The following TAFA1 variants were observed in gnomAD, a reference collection of about 807,000 sequenced individuals.
TAFA1 encodes the protein TAFA chemokine like family member 1.
A neutral mutation model predicts 18.5 loss-of-function variants in TAFA1; 4 were observed. The ratio of observed to expected loss-of-function variants is 0.22; its 90% CI spans 0.11 to 0.49. The LOEUF is 0.49. Ranked by LOEUF, TAFA1 falls within the 20% of genes least tolerant of loss-of-function variation. The probability of loss-of-function intolerance (pLI) is 0.98; values close to 1 mark genes in which losing one functional copy is unlikely to be tolerated. For missense variants in TAFA1, 147 were observed against 169.0 expected, an observed-to-expected ratio of 0.87 and a Z score of 0.72; for synonymous variants, 56 against 55.2, an observed-to-expected ratio of 1.01 and a Z score of -0.06.
intron 3 of TAFA1, among the ~76,000 whole-genome samples, chr3:68,447,583 A>G (rs565424289): frequency 6.6e-6 from 1 of 152,334 alleles, no homozygotes; most frequent in African/African-American, 2.4e-5. Context: ...GTTTATTCCA[A>G]AGCTCTAGAC....
chr3:68,025,297 C>T (rs1016748589), intron 2 of TAFA1, among the ~76,000 whole-genome samples: 2 of 152,236 alleles, frequency 1.3e-5, no homozygotes, highest in South Asian at 4.1e-4. Flanking sequence ...TATTCAGACT[C>T]CAACCACTTC....
At chr3:68,415,854 G>T (rs2070825470) in intron 2 of TAFA1, among the ~76,000 whole-genome samples, 1 of 152,152 alleles carries the variant, frequency 6.6e-6, no homozygotes, top group African/African-American at 2.4e-5. Flanking sequence ...AGGCTGATAT[G>T]AAAGCCTGAA....
chr3:68,413,000 A>C lies in TAFA1; in HGVS notation c.119-4280A>C, dbSNP rs542658880. ...TAGTTTACAGTCCCACCAACAGTGT[A>C]AAAGTGTTCCTATTTCTCCACATCC... is the stretch of plus-strand genomic sequence containing the variant. On this transcript the variant is annotated intron_variant, in intron 2 of 4. Transcript: ENST00000478136. 2.6e-3 allele frequency among the ~76,000 whole-genome samples: 401 copies of C among 151,932 alleles called. 2 individuals are homozygous for C. The highest frequency in any genetic ancestry group is 0.018 in the South Asian group (86 of 4,788).
intron 3 of TAFA1, among the ~76,000 whole-genome samples, chr3:68,501,303 C>A (rs567274337): frequency 6.6e-6 from 1 of 151,900 alleles, no homozygotes; most frequent in East Asian, 1.9e-4. Context: ...ATGAATACTG[C>A]GAAGTCAAAC....
chr3:68,064,627 C>G (rs1440325486), intron 2 of TAFA1, among the ~76,000 whole-genome samples: 3 of 152,068 alleles, frequency 2.0e-5, no homozygotes, highest in Non-Finnish European at 4.4e-5. Flanking sequence ...CTAATTAACA[C>G]ATGACAAATG....
At position 68,523,952 on chromosome 3, in the gene TAFA1, C is replaced by T. The variant is rs1172596302; in HGVS notation, c.260-14804C>T. 2.0e-5 allele frequency among the ~76,000 whole-genome samples: 3 copies of T among 152,246 alleles called. No individual in the cohort carries two copies. The South Asian group carries it at 6.2e-4, about 32-fold the overall frequency. On this transcript the variant is annotated intron_variant, in intron 3 of 4. Coordinates refer to ENST00000478136, the MANE Select transcript of TAFA1 (RefSeq NM_213609.4). ...TGTCTTTATCATTACTTGCTTGATGCTTTTCTTTAAATTTACCTAAATGTA... is the reference window on the plus strand; with the variant it reads ...TGTCTTTATCATTACTTGCTTGATGTTTTTCTTTAAATTTACCTAAATGTA...
intron 3 of TAFA1, among the ~76,000 whole-genome samples, chr3:68,494,051 A>G (rs995981753): frequency 2.0e-5 from 3 of 152,142 alleles, no homozygotes; most frequent in Admixed American, 6.5e-5. Context: ...AATGATATCA[A>G]TTTCCCAGGG....
intron 2 of TAFA1, among the ~76,000 whole-genome samples, chr3:68,090,484 C>T (rs188554677): frequency 5.5e-4 from 84 of 152,208 alleles, no homozygotes; most frequent in Non-Finnish European, 1.0e-3. Flanking sequence ...ACATCTTAGC[C>T]AGTGCTGTTT....
chr3:68,321,994 T>C (rs557444831), intron 2 of TAFA1, among the ~76,000 whole-genome samples: 141 of 152,332 alleles, frequency 9.3e-4, no homozygotes, highest in Admixed American at 1.5e-3. Context: ...CAGAGTTTTT[T>C]TCCCACAGCT....
At chr3:68,494,476 A>G in intron 3 of TAFA1, among the ~76,000 whole-genome samples, 1 of 152,170 alleles carries the variant, frequency 6.6e-6, no homozygotes, top group East Asian at 1.9e-4. Flanking sequence ...CAGCTGAAAA[A>G]TATATATCCC....
Position 68,544,584 on chromosome 3 carries a change from A to C in TAFA1, c.*81A>C. The C allele has an allele frequency of 7.1e-7, 1 of 1,402,092 alleles. No individual in the cohort carries two copies. Among genetic ancestry groups the C allele is most frequent in the Non-Finnish European group, 1.0e-6 (1 of 996,052 alleles). The allele number at this position is 1,402,092 out of a possible 1,614,324, so 86.9% of individuals were successfully genotyped here. ...AATCTCAAACATCTCACATATATAC[A>C]AGCCAAATGGATTTCTTACTTGCAC... is the stretch of plus-strand genomic sequence containing the variant. On this transcript the variant is annotated 3_prime_UTR_variant, in exon 5 of 5. Coordinates refer to ENST00000478136, the MANE Select transcript of TAFA1 (RefSeq NM_213609.4).
chr3:68,525,637 G>A (rs2073101366), intron 3 of TAFA1, among the ~76,000 whole-genome samples: 1 of 152,156 alleles, frequency 6.6e-6, no homozygotes, highest in South Asian at 2.1e-4. Flanking sequence ...AATGACTGAA[G>A]TAATCAACTA....
chr3:68,084,935 C>T (rs2064953083), intron 2 of TAFA1, among the ~76,000 whole-genome samples: 1 of 152,048 alleles, frequency 6.6e-6, no homozygotes, highest in African/African-American at 2.4e-5. Context: ...AATATCTGTC[C>T]TTATGTTAGA....
upstream of TAFA1, among the ~76,000 whole-genome samples, chr3:68,000,913 C>T (rs142121681): frequency 1.3e-5 from 2 of 151,816 alleles, no homozygotes; most frequent in African/African-American, 2.4e-5. Flanking sequence ...CAAACTATTG[C>T]GTTGTTGAAT....
chr3:68,066,030 A>G (rs2064673831), intron 2 of TAFA1, among the ~76,000 whole-genome samples: 1 of 152,146 alleles, frequency 6.6e-6, no homozygotes, highest in Non-Finnish European at 1.5e-5. Context: ...TGTAGAAAAT[A>G]CAAACAATAG....
At chr3:68,449,031 G>A (rs2044164367) in intron 3 of TAFA1, among the ~76,000 whole-genome samples, 1 of 152,166 alleles carries the variant, frequency 6.6e-6, no homozygotes, top group African/African-American at 2.4e-5. Flanking sequence ...CCTACTGTGT[G>A]TCCACACTAG....
At chr3:68,379,975 T>C (rs2069902004) in intron 2 of TAFA1, among the ~76,000 whole-genome samples, 1 of 151,918 alleles carries the variant, frequency 6.6e-6, no homozygotes, top group Admixed American at 6.6e-5. Context: ...GTCCATGTGT[T>C]CTAATCGTTC....
At chr3:68,434,016 C>G (rs536838757) in intron 3 of TAFA1, among the ~76,000 whole-genome samples, 110 of 152,088 alleles carry the variant, frequency 7.2e-4, no homozygotes, top group Admixed American at 1.2e-3. Context: ...CTATCTCTAC[C>G]CTAAGTTTTC....
At chr3:68,257,003 C>G (rs2067311708) in intron 2 of TAFA1, among the ~76,000 whole-genome samples, 1 of 152,070 alleles carries the variant, frequency 6.6e-6, no homozygotes, top group South Asian at 2.1e-4. Flanking sequence ...TTTGGATAAA[C>G]AGAAAGCATC....
Sources: allele counts gnomAD v4.1 joint callset (sites outside exome capture counted in the v4.1 genomes callset), GRCh38; gene constraint gnomAD v4.1.1; transcripts MANE v1.5; gene names NCBI Gene and HGNC (gene_info 2026-07-23, HGNC 2026-07-21).